MACROD2: variants seen among roughly 807,000 people sequenced by gnomAD.
MACROD2 encodes the protein ADP-ribose glycohydrolase MACROD2.
Under a neutral mutation model 70.4 loss-of-function variants are expected in MACROD2, and 36 were observed. The ratio of observed to expected loss-of-function variants is 0.51; its 90% CI spans 0.39 to 0.68. The LOEUF is 0.68. Ranked by LOEUF, MACROD2 falls within the 30% of genes least tolerant of loss-of-function variation. MACROD2 has a pLI of 0.00. For synonymous variants in MACROD2, 172 were observed against 178.8 expected, an observed-to-expected ratio of 0.96 and a Z score of 0.30; for missense variants, 496 against 538.4, an observed-to-expected ratio of 0.92 and a Z score of 0.78.
chr20:15,741,434 T>C (rs931772997), intron 8 of MACROD2, among the ~76,000 whole-genome samples: 7 of 152,036 alleles, frequency 4.6e-5, no homozygotes, highest in Non-Finnish European at 8.8e-5. Context: ...CGACTGATAT[T>C]GCCTCACCTC....
At chr20:14,228,985 C>G (rs1569216556) in intron 3 of MACROD2, among the ~76,000 whole-genome samples, 2 of 88,770 alleles carry the variant, frequency 2.3e-5, no homozygotes, top group South Asian at 4.7e-4. Flanking sequence ...ACACCAGACT[C>G]TGTCTCAAAA....
At chr20:14,004,899 T>C (rs150080652) in intron 2 of MACROD2, among the ~76,000 whole-genome samples, 20 of 152,244 alleles carry the variant, frequency 1.3e-4, no homozygotes, top group African/African-American at 4.1e-4. Flanking sequence ...AAATTTAATA[T>C]CTTATCATTA....
chr20:15,649,884 G>T (rs73614423), intron 8 of MACROD2, among the ~76,000 whole-genome samples: 1 of 152,118 alleles, frequency 6.6e-6, no homozygotes, highest in East Asian at 1.9e-4. Context: ...TTGAGCAGAA[G>T]ATTTGCTTCT....
chr20:15,124,978 T>C (rs1226089417), intron 5 of MACROD2, among the ~76,000 whole-genome samples: 1 of 152,062 alleles, frequency 6.6e-6, no homozygotes, highest in Non-Finnish European at 1.5e-5. Context: ...AAGCTAATCA[T>C]TGATTAGGGT....
chr20:15,231,948 G>A (rs745985869), intron 6 of MACROD2, among the ~76,000 whole-genome samples: 1 of 151,964 alleles, frequency 6.6e-6, no homozygotes, highest in Non-Finnish European at 1.5e-5. Context: ...ACAAAATGTG[G>A]GAAGAAATGT....
In MACROD2 at chr20:15,217,194, T is replaced by C. The variant is rs538970308; in HGVS notation, c.419-12746T>C. ...TATGTATAATCATGAACTTTGAGAG[T>C]ATAATGATGAAATATTGACTAAATA... is the stretch of plus-strand genomic sequence containing the variant. On this transcript the variant is annotated intron_variant, in intron 5 of 17. Coordinates refer to ENST00000684519, the MANE Select transcript of MACROD2 (RefSeq NM_001351661.2). 2.0e-4 allele frequency among the ~76,000 whole-genome samples: 31 copies of C among 152,208 alleles called. No individual in the cohort carries two copies. In the South Asian group the frequency reaches 5.0e-3, roughly 24 times the overall value.
chr20:14,664,962 T>C (rs547552703), intron 4 of MACROD2, among the ~76,000 whole-genome samples: 23 of 152,258 alleles, frequency 1.5e-4, no homozygotes, highest in African/African-American at 4.8e-4. Flanking sequence ...AAATGGTTAC[T>C]AGCATGGCTA....
intron 5 of MACROD2, among the ~76,000 whole-genome samples, chr20:15,148,557 G>A (rs1325838434): frequency 1.3e-5 from 2 of 152,058 alleles, no homozygotes; most frequent in Admixed American, 1.3e-4. Context: ...AGCAGGGCAT[G>A]TATGAGTAGT....
At chr20:14,432,060 A>T (rs749422144) in intron 3 of MACROD2, among the ~76,000 whole-genome samples, 2 of 152,178 alleles carry the variant, frequency 1.3e-5, no homozygotes, top group African/African-American at 4.8e-5. Flanking sequence ...TTATGTTTTA[A>T]TGTGATTATT....
chr20:15,701,696 C>T (rs1295922581), intron 8 of MACROD2, among the ~76,000 whole-genome samples: 2 of 152,064 alleles, frequency 1.3e-5, no homozygotes, highest in African/African-American at 2.4e-5. Flanking sequence ...TCAGGGCGTA[C>T]ATATGCAGGT....
intron 6 of MACROD2, among the ~76,000 whole-genome samples, chr20:15,319,983 C>T (rs575920937): frequency 4.6e-5 from 7 of 152,052 alleles, no homozygotes; most frequent in Non-Finnish European, 8.8e-5. Context: ...CCGAGGTGGG[C>T]GGATCACCTC....
intron 3 of MACROD2, among the ~76,000 whole-genome samples, chr20:14,384,660 T>C (rs913849245): frequency 1.3e-5 from 2 of 152,150 alleles, no homozygotes; most frequent in African/African-American, 4.8e-5. Context: ...AGCAAATGCG[T>C]TGGAGTACAG....
At chr20:14,443,801 T>C (rs2084153441) in intron 3 of MACROD2, among the ~76,000 whole-genome samples, 1 of 152,138 alleles carries the variant, frequency 6.6e-6, no homozygotes, top group South Asian at 2.1e-4. Flanking sequence ...ACTCAATTTC[T>C]AAGCCATAGT....
At chr20:14,627,554 C>T (rs977174728) in intron 4 of MACROD2, among the ~76,000 whole-genome samples, 4 of 152,202 alleles carry the variant, frequency 2.6e-5, no homozygotes, top group African/African-American at 7.2e-5. Flanking sequence ...CCTCAATAAA[C>T]TTCCTGCATA....
In MACROD2 at chr20:14,877,647, G is replaced by GT. The variant is rs547786736; in HGVS notation, c.418+192695dup. Among the ~76,000 whole-genome samples, 62 of 151,614 alleles carry GT rather than the reference G, an allele frequency of 4.1e-4. No homozygotes were observed. In the South Asian group the frequency reaches 9.8e-3, roughly 24 times the overall value. On this transcript the variant is annotated intron_variant, in intron 5 of 17. Coordinates refer to ENST00000684519, the MANE Select transcript of MACROD2 (RefSeq NM_001351661.2). ...TTCCTTCAATGCCTAGTTTCTTGAG[G>GT]TTTTTTTGTTTTGTTTTGTTTTGTT...
chr20:15,191,744 T>C (rs2076571843), intron 5 of MACROD2, among the ~76,000 whole-genome samples: 1 of 152,162 alleles, frequency 6.6e-6, no homozygotes, highest in South Asian at 2.1e-4. Context: ...ATGTGATAAA[T>C]GTTATTATGC....
chr20:15,856,093 A>G (rs970371112), intron 8 of MACROD2, among the ~76,000 whole-genome samples: 8 of 152,228 alleles, frequency 5.3e-5, no homozygotes, highest in African/African-American at 1.7e-4. Context: ...CTAATTTACT[A>G]TGTACTGCCA....
intron 8 of MACROD2, among the ~76,000 whole-genome samples, chr20:15,631,005 C>T (rs1210447856): frequency 6.6e-6 from 1 of 152,204 alleles, no homozygotes; most frequent in Non-Finnish European, 1.5e-5. Context: ...GCAAATTCCA[C>T]ATAAAGGGAA....
intron 5 of MACROD2, among the ~76,000 whole-genome samples, chr20:14,897,168 A>G (rs150325106): frequency 6.6e-6 from 1 of 152,244 alleles, no homozygotes; most frequent in African/African-American, 2.4e-5. Context: ...TTTGTTTGAC[A>G]AGATAAGCAG....
Sources: gnomAD v4.1 joint callset for allele counts (sites outside exome capture counted in the v4.1 genomes callset) on GRCh38, gnomAD v4.1.1 for gene constraint, MANE v1.5 for transcripts, NCBI Gene and HGNC (gene_info 2026-07-23, HGNC 2026-07-21) for gene names.